The following CDCA4 variants were observed in gnomAD, a reference collection of about 807,000 sequenced individuals.
CDCA4 encodes cell division cycle associated 4, also known as cell division cycle-associated protein 4.
For missense variants in CDCA4, 294 were observed against 322.1 expected (o/e 0.91, Z 0.67); for synonymous variants, 130 against 137.0 (o/e 0.95, Z 0.36).
chr14:105,018,897 C>T (rs1272239123), intron 1 of CDCA4, among the ~76,000 whole-genome samples: 1 of 151,896 alleles, frequency 6.6e-6, no homozygotes, highest in Admixed American at 6.6e-5. Flanking sequence ...CCACCACACC[C>T]GGCTAATTTT....
intron 1 of CDCA4, among the ~76,000 whole-genome samples, chr14:105,014,160 G>A (rs1017419368): frequency 1.2e-4 from 18 of 152,166 alleles, no homozygotes; most frequent in Admixed American, 3.9e-4. Flanking sequence ...AGGAACCTGC[G>A]CAGGGAGATC....
At chr14:105,013,706 T>G (rs557400959) in intron 1 of CDCA4, among the ~76,000 whole-genome samples, 1 of 152,276 alleles carries the variant, frequency 6.6e-6, no homozygotes, top group African/African-American at 2.4e-5. Flanking sequence ...CTGCTGGTCC[T>G]ACCCTTGAAT....
chr14:105,015,344 T>C (rs1900617481), intron 1 of CDCA4, among the ~76,000 whole-genome samples: 1 of 44,856 alleles, frequency 2.2e-5, no homozygotes, highest in African/African-American at 4.2e-5. Context: ...CCTAATAACA[T>C]CTGCTCTGAG....
intron 1 of CDCA4, among the ~76,000 whole-genome samples, chr14:105,017,947 C>T (rs11845866): frequency 0.28 from 42,361 of 151,902 alleles, 8,327 homozygotes; most frequent in African/African-American, 0.56. Flanking sequence ...TTATGCAACA[C>T]GGATAAATTT....
chr14:105,020,392 G>A (rs8008615), intron 1 of CDCA4, among the ~76,000 whole-genome samples: 39,797 of 152,220 alleles, frequency 0.26, 8,348 homozygotes, highest in African/African-American at 0.58. Context: ...CCTTTGCCAC[G>A]ACGATCCTGT....
At chr14:105,019,460 ACT>A (rs1348602236) in intron 1 of CDCA4, among the ~76,000 whole-genome samples, 4 of 152,198 alleles carry the variant, frequency 2.6e-5, no homozygotes, top group African/African-American at 9.7e-5. Context: ...TTGGGGACAG[ACT>A]CAACTCTGAC....
intron 1 of CDCA4, among the ~76,000 whole-genome samples, chr14:105,020,273 C>G (rs1266273891): frequency 6.6e-6 from 1 of 152,250 alleles, no homozygotes; most frequent in Non-Finnish European, 1.5e-5. Flanking sequence ...TTTTCTGTGG[C>G]TCGCTTTGAG....
rs1595451230 is a variant in CDCA4 at position 105,009,999 on chromosome 14, A to G, written c.*1205T>C. 1 of 152,302 alleles carries G rather than the reference A, an allele frequency of 6.6e-6. No homozygotes were observed. The highest frequency in any genetic ancestry group is 2.1e-4 in the South Asian group (1 of 4,836). The allele number at this position is 152,302 out of a possible 1,614,324, so 9.4% of individuals were successfully genotyped here. On this transcript the variant is annotated 3_prime_UTR_variant, in exon 2 of 2. Coordinates refer to ENST00000336219, the MANE Select transcript of CDCA4 (RefSeq NM_017955.4). ...ACATCACTGATATTTAAGAATGGCT[A>G]TATGCACAAAAGAAAACACACCTTT... is the stretch of plus-strand genomic sequence containing the variant.
At chr14:105,020,176 C>T (rs10143367) in intron 1 of CDCA4, among the ~76,000 whole-genome samples, 39,794 of 152,136 alleles carry the variant, frequency 0.26, 8,350 homozygotes, top group African/African-American at 0.58. Flanking sequence ...GGATTTCCAC[C>T]CTAATTATAA....
chr14:105,016,331 C>T (rs1435972993), intron 1 of CDCA4, among the ~76,000 whole-genome samples: 2 of 152,214 alleles, frequency 1.3e-5, no homozygotes, highest in Non-Finnish European at 2.9e-5. Flanking sequence ...GGAAGTTTCA[C>T]ACTACTGACA....
At chr14:105,013,858 C>A (rs1900572239) in intron 1 of CDCA4, among the ~76,000 whole-genome samples, 1 of 152,114 alleles carries the variant, frequency 6.6e-6, no homozygotes, top group African/African-American at 2.4e-5. Flanking sequence ...AATGTTCATG[C>A]AAAAAACATG....
intron 1 of CDCA4, among the ~76,000 whole-genome samples, chr14:105,017,744 T>C (rs1437405992): frequency 2.0e-5 from 3 of 152,048 alleles, no homozygotes; most frequent in Admixed American, 1.3e-4. Flanking sequence ...GGCAGGAGAA[T>C]TGCTTGAACC....
Position 105,011,561 on chromosome 14 carries a change from C to CTG in CDCA4, c.367_368dup (p.Gln123HisfsTer74). ...CTGGGCAAAGGTCAGAAACTGGACC[C>CTG]TGTGTGTGGCCGTCCCCCAAGCCAG... On this transcript the variant is annotated frameshift_variant, in exon 2 of 2. Coordinates refer to ENST00000336219, the MANE Select transcript of CDCA4 (RefSeq NM_017955.4). LOFTEE classifies it low-confidence loss of function (END_TRUNC). The CTG allele has an allele frequency of 6.2e-7, 1 of 1,614,030 alleles. No homozygotes were observed. The highest frequency in any genetic ancestry group is 8.5e-7 in the Non-Finnish European group (1 of 1,179,984).
At position 105,011,019 on chromosome 14, in the gene CDCA4, AG is replaced by A; in HGVS notation, c.*184del. 5.8e-6 allele frequency: 4 copies of A among 686,156 alleles called. No homozygotes were observed. Among genetic ancestry groups the A allele is most frequent in the South Asian group, 2.0e-5 (1 of 50,606 alleles). 42.5% of individuals were successfully genotyped at this position (686,156 alleles called of 1,614,324 possible). A position where few individuals can be genotyped will look rare whatever the true frequency, so the allele number is the denominator to read the frequency against. On this transcript the variant is annotated 3_prime_UTR_variant, in exon 2 of 2. Transcript: ENST00000336219. ...GAACAGCCTCTGCCTGGCGCTCCAC[AG>A]GGGGGAGGTGAGTGGGACGGGCCTA...
chr14:105,019,637 G>A (rs1886173003), intron 1 of CDCA4, among the ~76,000 whole-genome samples: 1 of 152,240 alleles, frequency 6.6e-6, no homozygotes, highest in Non-Finnish European at 1.5e-5. Context: ...AGTACTGAGT[G>A]GGAGCTCCAC....
intron 1 of CDCA4, among the ~76,000 whole-genome samples, chr14:105,015,939 C>T (rs11160831): frequency 0.55 from 83,406 of 151,794 alleles, 25,453 homozygotes; most frequent in Middle Eastern, 0.72. Context: ...GGACTACAGG[C>T]GTCAGCCACC....
rs1053051441 is a variant in CDCA4 at position 105,017,839 on chromosome 14, A to AC, written c.-7+3159_-7+3160insG. 5.9e-5 allele frequency among the ~76,000 whole-genome samples: 9 copies of AC among 151,806 alleles called. 1 individual carries two copies. Among genetic ancestry groups the AC allele is most frequent in the Non-Finnish European group, 2.9e-5 (2 of 68,000 alleles). ...GAGCGAGACTCCGTCTCAAAAAAAA[A>AC]ACACACACACACAAAAAAAACACTT... On this transcript the variant is annotated intron_variant, in intron 1 of 1. Transcript: ENST00000336219.
At chr14:105,013,182 T>C (rs1018776659) in intron 1 of CDCA4, among the ~76,000 whole-genome samples, 6 of 151,812 alleles carry the variant, frequency 4.0e-5, no homozygotes, top group African/African-American at 1.5e-4. Flanking sequence ...CTCTCAGAAG[T>C]ACAAGTCTGT....
intron 1 of CDCA4, among the ~76,000 whole-genome samples, chr14:105,017,801 A>G (rs1301250236): frequency 6.6e-6 from 1 of 152,062 alleles, no homozygotes; most frequent in Non-Finnish European, 1.5e-5. Context: ...ACTGCACTAC[A>G]GCCTGAACAA....
Sources: allele counts gnomAD v4.1 joint callset (sites outside exome capture counted in the v4.1 genomes callset), GRCh38; gene constraint gnomAD v4.1.1; transcripts MANE v1.5; gene names NCBI Gene and HGNC (gene_info 2026-07-23, HGNC 2026-07-21).